Variants in LMAN2 observed in about 807,000 individuals in gnomAD.
LMAN2 encodes vesicular integral-membrane protein VIP36.
Under a neutral mutation model 39.3 loss-of-function variants are expected in LMAN2, and 22 were observed. The ratio of observed to expected loss-of-function variants is 0.56; its 90% CI spans 0.40 to 0.80. The LOEUF is 0.80. LMAN2 is among the 30% of genes least tolerant of loss of function. The probability of loss-of-function intolerance (pLI) is 0.00; values close to 1 mark genes in which losing one functional copy is unlikely to be tolerated. For missense variants in LMAN2, 494 were observed against 505.4 expected (o/e 0.98, Z 0.22); for synonymous variants, 207 against 207.8 (o/e 1.00, Z 0.03).
Position 177,344,208 on chromosome 5 carries a change from A to AC in LMAN2, c.316-5604dup, listed in dbSNP as rs112138003. 6.7e-3 allele frequency among the ~76,000 whole-genome samples: 930 copies of AC among 138,556 alleles called. 6 individuals carry two copies. The highest frequency in any genetic ancestry group is 0.019 in the African/African-American group (709 of 37,170). 90.9% of individuals were successfully genotyped at this position (138,556 alleles called of 152,430 possible). On this transcript the variant is annotated intron_variant, in intron 2 of 7. Transcript: ENST00000303127. The stretch of plus-strand genomic sequence containing the variant: ...ACTCCAGCCTCCGTGACAAAGTGAG[A>AC]CCCCCCCCATCTCTAAAAAAAAAAA...
chr5:177,332,002 CTTG>C lies in LMAN2; in HGVS notation c.*81_*83del, dbSNP rs1761391656. Reference sequence around the variant, plus strand: ...TGAAACAGTTAAGAAATAAGGTCATCTTGTTGTTCTTTTATAATCCCGGTAAAA... The same window carrying C: ...TGAAACAGTTAAGAAATAAGGTCATCTTGTTCTTTTATAATCCCGGTAAAA... On this transcript the variant is annotated 3_prime_UTR_variant, in exon 8 of 8. Coordinates refer to ENST00000303127, the MANE Select transcript of LMAN2 (RefSeq NM_006816.3). This position sits in a 1 kb window ranked among gnomAD's most constrained non-coding sequence, Gnocchi z 6.3. The C allele has an allele frequency of 4.5e-6, 6 of 1,335,396 alleles. 1 individual carries two copies. Among genetic ancestry groups the C allele is most frequent in the South Asian group, 2.8e-5 (2 of 70,198 alleles). The allele number at this position is 1,335,396 out of a possible 1,614,324, so 82.7% of individuals were successfully genotyped here.
Position 177,332,357 on chromosome 5 carries a change from G to A in LMAN2, c.911-111C>T. ...ACAGCCGGCCACGGTGGGCAGGCCG[G>A]TCGTACTCACCCCCCTCACCGGGGA... is the stretch of plus-strand genomic sequence containing the variant. On this transcript the variant is annotated intron_variant, in intron 7 of 7. Coordinates refer to ENST00000303127, the MANE Select transcript of LMAN2 (RefSeq NM_006816.3). This position sits in a 1 kb window ranked among gnomAD's most constrained non-coding sequence, Gnocchi z 6.3. The A allele has an allele frequency of 1.0e-6, 1 of 998,500 alleles. No individual in the cohort carries two copies. Among genetic ancestry groups the A allele is most frequent in the Non-Finnish European group, 1.5e-6 (1 of 676,814 alleles). The allele number at this position is 998,500 out of a possible 1,614,324, so 61.9% of individuals were successfully genotyped here. A position where few individuals can be genotyped will look rare whatever the true frequency, so the allele number is the denominator to read the frequency against.
rs1761500226 is a variant in LMAN2, at chr5:177,338,021, G to T, written c.434-236C>A. Among the ~76,000 whole-genome samples, 6 of 152,156 alleles carry T rather than the reference G, an allele frequency of 3.9e-5. No individual in the cohort carries two copies. In the South Asian group the frequency reaches 1.2e-3, roughly 32 times the overall value. ...AAGGCTGAACTGTGAGGGGACTGAG[G>T]CAGATGTCAGGTGTCAAGGGGGTAC... On this transcript the variant is annotated intron_variant, in intron 3 of 7. Transcript: ENST00000303127.
Position 177,351,640 on chromosome 5 carries a change from G to T in LMAN2, c.8C>A (p.Ala3Glu). MA[A>E]EGWIWRWGWG... ...GCCCCAACGCCAAATCCAGCCTTCC[G>T]CCGCCATTCTCCTCTCCTCTCGGCC... The change falls in exon 1 of 8, where the codon GCG becomes GAG. Residue 3 changes from alanine (A) to glutamate (E), a missense_variant. Coordinates refer to ENST00000303127, the MANE Select transcript of LMAN2 (RefSeq NM_006816.3). 6.3e-7 allele frequency: 1 copy of T among 1,590,856 alleles called. No homozygotes were observed.
At chr5:177,336,460 CTGG>C (rs1761472205) in intron 6 of LMAN2, among the ~76,000 whole-genome samples, 1 of 152,100 alleles carries the variant, frequency 6.6e-6, no homozygotes, top group Non-Finnish European at 1.5e-5. Flanking sequence ...CTGTTGGGGG[CTGG>C]TGAAGGAGGG....
chr5:177,337,067 T>A lies in LMAN2; in HGVS notation c.790+69A>T, dbSNP rs975256860. ...AACCACATGAAGGCAGGCAATCAAC[T>A]GCATGGAAAGCTCCCAGTCCCTCAG... On this transcript the variant is annotated intron_variant, in intron 6 of 7. Transcript: ENST00000303127. This position sits in a 1 kb window ranked among gnomAD's most constrained non-coding sequence, Gnocchi z 8.2. The A allele has an allele frequency of 2.6e-6, 3 of 1,173,466 alleles. No homozygotes were observed. In the African/African-American group the frequency reaches 4.5e-5, roughly 18 times the overall value. 72.7% of individuals were successfully genotyped at this position (1,173,466 alleles called of 1,614,324 possible).
chr5:177,341,609 CA>C (rs1761555859), intron 2 of LMAN2, among the ~76,000 whole-genome samples: 1 of 152,082 alleles, frequency 6.6e-6, no homozygotes, highest in South Asian at 2.1e-4. Context: ...AAACAAAAAC[CA>C]AAAGAATTCA....
At position 177,332,680 on chromosome 5, in the gene LMAN2, C is replaced by T. The variant is rs1761407593; in HGVS notation, c.911-434G>A. On this transcript the variant is annotated intron_variant, in intron 7 of 7. Coordinates refer to ENST00000303127, the MANE Select transcript of LMAN2 (RefSeq NM_006816.3). This position sits in a 1 kb window ranked among gnomAD's most constrained non-coding sequence, Gnocchi z 6.3. ...CTCCCAGCCCACAGCTGGATGCTCTCGGCAGCCCCCCAGGAGGGTCTCCCA... is the reference window on the plus strand; with the variant it reads ...CTCCCAGCCCACAGCTGGATGCTCTTGGCAGCCCCCCAGGAGGGTCTCCCA... 1.3e-5 allele frequency among the ~76,000 whole-genome samples: 2 copies of T among 152,136 alleles called. No homozygotes were observed. The highest frequency in any genetic ancestry group is 1.3e-4 in the Admixed American group (2 of 15,282).
chr5:177,343,564 GACACACACACAC>G (rs368470169), intron 2 of LMAN2, among the ~76,000 whole-genome samples: 1 of 84,640 alleles, frequency 1.2e-5, no homozygotes, highest in East Asian at 2.3e-4. Context: ...ATGTGGTCTA[GACACACACACAC>G]ACACACACAC....
Position 177,332,070 on chromosome 5 carries a change from C to G in LMAN2, c.*16G>C, listed in dbSNP as rs1761392996. 5.0e-6 allele frequency: 8 copies of G among 1,592,392 alleles called. No individual in the cohort carries two copies. Among genetic ancestry groups the G allele is most frequent in the Non-Finnish European group, 6.9e-6 (8 of 1,165,168 alleles). On this transcript the variant is annotated 3_prime_UTR_variant, in exon 8 of 8. Transcript: ENST00000303127. The surrounding 1 kb of genome is among the most constrained non-coding windows in gnomAD (Gnocchi z 6.3). ...TGGCTCCTGGGCCCAGGGACAGGCC[C>G]CGCCGGAGGCGCCACTCAGTAGAAG...
chr5:177,351,328 G>A (rs1286038070), intron 1 of LMAN2, 37 bp from the exon 2 acceptor site: 2 of 1,610,388 alleles, frequency 1.2e-6, no homozygotes, highest in South Asian at 1.1e-5. Flanking sequence ...GCCACGCCAG[G>A]ACTGGCCTCA....
At chr5:177,343,702 T>C (rs1761593034) in intron 2 of LMAN2, among the ~76,000 whole-genome samples, 1 of 152,028 alleles carries the variant, frequency 6.6e-6, no homozygotes, top group South Asian at 2.1e-4. Context: ...AAATATTGTA[T>C]GCCTCCATTT....
At position 177,332,369 on chromosome 5, in the gene LMAN2, C is replaced by A; in HGVS notation, c.911-123G>T. ...GGTGGGCAGGCCGGTCGTACTCACC[C>A]CCCTCACCGGGGAGGGGCAGAGGTC... On this transcript the variant is annotated intron_variant, in intron 7 of 7. Transcript: ENST00000303127. The surrounding 1 kb of genome is among the most constrained non-coding windows in gnomAD (Gnocchi z 6.3). 2 of 873,610 alleles carry A rather than the reference C, an allele frequency of 2.3e-6. No homozygotes were observed. The highest frequency in any genetic ancestry group is 3.5e-6 in the Non-Finnish European group (2 of 569,282). 54.1% of individuals were successfully genotyped at this position (873,610 alleles called of 1,614,324 possible). A position where few individuals can be genotyped will look rare whatever the true frequency, so the allele number is the denominator to read the frequency against.
In LMAN2 at chr5:177,337,203, G is replaced by T. The variant is rs1029715824; in HGVS notation, c.723C>A (p.Asp241Glu). The change falls in exon 6 of 8, where the codon GAC becomes GAA. Residue 241 changes from aspartate to glutamate, a missense_variant. By Grantham distance (45) the Asp-to-Glu change is conservative. Transcript: ENST00000303127. The surrounding 1 kb of genome is among the most constrained non-coding windows in gnomAD (Gnocchi z 8.2). ...CGGTGGGCAGGCGCACTCCCGTGAT[G>T]TCAATGCAGTTCTTCCACTCGTTCT... is the stretch of plus-strand genomic sequence containing the variant. ...EDKNEWKNCIDITGVRLPTGY... is the reference protein window; with the variant it reads ...EDKNEWKNCIEITGVRLPTGY... 6.2e-7 allele frequency: 1 copy of T among 1,614,072 alleles called. No individual in the cohort carries two copies.
In LMAN2 at chr5:177,337,544, T is replaced by C; in HGVS notation, c.514-20A>G. The C allele has an allele frequency of 6.2e-7, 1 of 1,612,212 alleles. No individual in the cohort carries two copies. Among genetic ancestry groups the C allele is most frequent in the Non-Finnish European group, 8.5e-7 (1 of 1,178,604 alleles). On this transcript the variant is annotated intron_variant, in intron 4 of 7. Transcript: ENST00000303127. This position sits in a 1 kb window ranked among gnomAD's most constrained non-coding sequence, Gnocchi z 8.2. ...CACGCGCTGGGACCAAGACATCGGT[T>C]ACTCCACAAGCAGCCCAGCCTGTGG...
chr5:177,337,388 A>G lies in LMAN2; in HGVS notation c.650T>C (p.Val217Ala), dbSNP rs751974840. The change falls in exon 5 of 8, where the codon GTG (valine) becomes GCG (alanine). Residue 217 changes from valine (V) to alanine (A), a missense_variant. Coordinates refer to ENST00000303127, the MANE Select transcript of LMAN2 (RefSeq NM_006816.3). This position sits in a 1 kb window ranked among gnomAD's most constrained non-coding sequence, Gnocchi z 8.2. ...CGTCAGACGGCCCCGGGAGTAGCGC[A>G]CAGCCAGGAAGGTGTCGTGATCGCG... Reference protein sequence around the residue: ...RNRDHDTFLAVRYSRGRLTVM... With the variant: ...RNRDHDTFLAARYSRGRLTVM... 1.9e-5 allele frequency: 30 copies of G among 1,612,128 alleles called. 2 individuals carry two copies. The Middle Eastern group carries it at 2.5e-3, about 132-fold the overall frequency.
intron 2 of LMAN2, among the ~76,000 whole-genome samples, chr5:177,343,824 T>G (rs370599571): frequency 1.3e-5 from 2 of 152,096 alleles, no homozygotes; most frequent in Admixed American, 6.6e-5. Context: ...AGAGTTTCAG[T>G]TGGGATGAGC....
chr5:177,351,561 G>T lies in LMAN2; in HGVS notation c.87C>A (p.Pro29=). ...RPGLLGPGPG[P]TTPLFLLLLL... ...ACAAAAGAAGAAAGAGAGGTGTAGT[G>T]GGGCCAGGGCCGGGGCCGAGAAGCC... Residue 29 remains proline, a synonymous_variant, in exon 1 of 8, where the codon CCC becomes CCA. Transcript: ENST00000303127. 1 of 1,614,244 alleles carries T rather than the reference G, an allele frequency of 6.2e-7. No homozygotes were observed. The highest frequency in any genetic ancestry group is 1.3e-5 in the African/African-American group (1 of 75,084).
At position 177,334,457 on chromosome 5, in the gene LMAN2, T is replaced by C. The variant is rs1455497480; in HGVS notation, c.791-54A>G. ...GCCTACAGGCCAGCCGCAGGGCACG[T>C]GGCCCAAGACCCTCCCACAAGGAAA... On this transcript the variant is annotated intron_variant, in intron 6 of 7. Coordinates refer to ENST00000303127, the MANE Select transcript of LMAN2 (RefSeq NM_006816.3). 5 of 1,576,106 alleles carry C rather than the reference T, an allele frequency of 3.2e-6. No homozygotes were observed. The Admixed American group carries it at 5.2e-5, about 16-fold the overall frequency.
Sources: allele counts gnomAD v4.1 joint callset (sites outside exome capture counted in the v4.1 genomes callset), GRCh38; gene constraint gnomAD v4.1.1; non-coding constraint Gnocchi (gnomAD v3.1); transcripts MANE v1.5; gene names NCBI Gene and HGNC (gene_info 2026-07-23, HGNC 2026-07-21).